The following CDK8 variants were observed in gnomAD, a reference collection of about 807,000 sequenced individuals.
The protein encoded by CDK8 is cyclin-dependent kinase 8.
A neutral mutation model predicts 71.5 loss-of-function variants in CDK8; 29 were observed. The ratio of observed to expected loss-of-function variants is 0.41; its 90% CI spans 0.30 to 0.55. The LOEUF is 0.55. CDK8 is among the 20% of genes least tolerant of loss of function. The probability of loss-of-function intolerance (pLI) is 0.37; values close to 1 mark genes in which losing one functional copy is unlikely to be tolerated. For synonymous variants in CDK8, 161 were observed against 192.1 expected, an observed-to-expected ratio of 0.84 and a Z score of 1.34; for missense variants, 288 against 572.6, an observed-to-expected ratio of 0.50 and a Z score of 5.07.
chr13:26,256,932 G>T lies in CDK8; in HGVS notation c.128+2163G>T, dbSNP rs529679256. On this transcript the variant is annotated intron_variant, in intron 1 of 12. Transcript: ENST00000381527. ...TTTTAGAGAGTTTTAAAATTACAGG[G>T]ATTTTTTTCGGTTTGACTTCTCTTT... Among the ~76,000 whole-genome samples, 1,223 of 152,132 alleles carry T rather than the reference G, an allele frequency of 8.0e-3. 8 individuals are homozygous for T. The highest frequency in any genetic ancestry group is 0.014 in the African/African-American group (588 of 41,520).
chr13:26,376,949 G>C (rs1366863317), intron 4 of CDK8, among the ~76,000 whole-genome samples: 1 of 152,198 alleles, frequency 6.6e-6, no homozygotes, highest in African/African-American at 2.4e-5. Context: ...GCAAAAGGTA[G>C]GGTTAGTAGA....
chr13:26,288,642 T>C (rs1873142443), intron 1 of CDK8, among the ~76,000 whole-genome samples: 1 of 151,892 alleles, frequency 6.6e-6, no homozygotes, highest in African/African-American at 2.4e-5. Context: ...TTGGGGTTGC[T>C]TTGAATCTGT....
At position 26,390,346 on chromosome 13, in the gene CDK8, C is replaced by T. The variant is rs116596771; in HGVS notation, c.647-3021C>T. Among the ~76,000 whole-genome samples, 612 of 152,264 alleles carry T rather than the reference C, an allele frequency of 4.0e-3. 3 individuals carry two copies. The highest frequency in any genetic ancestry group is 0.014 in the African/African-American group (563 of 41,560). ...CATAGGGAAAAAAATCTGATCAGAA[C>T]GCATCAAACTCACATATGCCCCATC... is the stretch of plus-strand genomic sequence containing the variant. On this transcript the variant is annotated intron_variant, in intron 6 of 12. Transcript: ENST00000381527.
intron 4 of CDK8, among the ~76,000 whole-genome samples, chr13:26,362,537 A>G (rs1320958656): frequency 1.3e-5 from 2 of 152,112 alleles, no homozygotes; most frequent in Admixed American, 6.5e-5. Flanking sequence ...AGAGCAGGAG[A>G]AGAAAGGTAT....
intron 2 of CDK8, among the ~76,000 whole-genome samples, chr13:26,344,354 A>C (rs1217912981): frequency 6.6e-6 from 1 of 152,178 alleles, no homozygotes; most frequent in African/African-American, 2.4e-5. Flanking sequence ...ATGAACATAC[A>C]AATGCATGTT....
At chr13:26,285,064 C>A (rs575611048) in intron 1 of CDK8, among the ~76,000 whole-genome samples, 1 of 151,896 alleles carries the variant, frequency 6.6e-6, no homozygotes, top group South Asian at 2.1e-4. Context: ...CATGTTGAAA[C>A]CCTGTCTCTA....
chr13:26,403,458 A>G, intron 12 of CDK8, among the ~76,000 whole-genome samples: 1 of 150,102 alleles, frequency 6.7e-6, no homozygotes, highest in Non-Finnish European at 1.5e-5. Context: ...GTCTCAAAAG[A>G]AAAAAAAAAT....
chr13:26,329,494 G>GTTTTTTTTTTTTTTT (rs1875203822), intron 1 of CDK8, among the ~76,000 whole-genome samples: 1 of 80,836 alleles, frequency 1.2e-5, no homozygotes, highest in Admixed American at 1.2e-4. Context: ...TTTTTTTTTT[G>GTTTTTTTTTTTTTTT]TTTGTTTTGT....
At chr13:26,270,277 T>G (rs1489361377) in intron 1 of CDK8, among the ~76,000 whole-genome samples, 1 of 151,578 alleles carries the variant, frequency 6.6e-6, no homozygotes, top group Admixed American at 6.6e-5. Flanking sequence ...TAATCCTAGC[T>G]ACTCAAGAGG....
intron 1 of CDK8, among the ~76,000 whole-genome samples, chr13:26,271,574 G>C (rs1378496615): frequency 6.6e-6 from 1 of 152,068 alleles, no homozygotes; most frequent in Non-Finnish European, 1.5e-5. Context: ...GGGAGTCTGA[G>C]GTGGGAGGAC....
At chr13:26,339,706 TA>T in intron 2 of CDK8, among the ~76,000 whole-genome samples, 1 of 135,740 alleles carries the variant, frequency 7.4e-6, no homozygotes, top group East Asian at 2.1e-4. Context: ...TTTATTTATT[TA>T]TTTATTTATT....
At chr13:26,367,129 C>A (rs1001831537) in intron 4 of CDK8, among the ~76,000 whole-genome samples, 3 of 152,166 alleles carry the variant, frequency 2.0e-5, no homozygotes, top group Non-Finnish European at 2.9e-5. Flanking sequence ...TGGGCCCTCT[C>A]TTCCTTGATT....
chr13:26,331,028 T>C (rs2092473335), intron 1 of CDK8, among the ~76,000 whole-genome samples: 1 of 152,234 alleles, frequency 6.6e-6, no homozygotes, highest in Admixed American at 6.5e-5. Context: ...CCATTTTCTA[T>C]AGTGGCTGTA....
chr13:26,362,286 G>A lies in CDK8; in HGVS notation c.456+8406G>A, dbSNP rs536214474. 2.9e-3 allele frequency among the ~76,000 whole-genome samples: 443 copies of A among 152,144 alleles called. 4 individuals carry two copies. The highest frequency in any genetic ancestry group is 4.7e-3 in the Non-Finnish European group (319 of 68,004). ...TGGATGGATAGATAGATGAATGACA[G>A]AGCATTTGCTAGAGGAATCGGCTTA... is the stretch of plus-strand genomic sequence containing the variant. On this transcript the variant is annotated intron_variant, in intron 4 of 12. Coordinates refer to ENST00000381527, the MANE Select transcript of CDK8 (RefSeq NM_001260.3).
At chr13:26,268,943 C>A (rs1872169152) in intron 1 of CDK8, among the ~76,000 whole-genome samples, 1 of 152,170 alleles carries the variant, frequency 6.6e-6, no homozygotes, top group South Asian at 2.1e-4. Flanking sequence ...CATTCCTACT[C>A]CTGATTTTTT....
chr13:26,395,940 A>G (rs560896161), intron 7 of CDK8, among the ~76,000 whole-genome samples: 1 of 152,334 alleles, frequency 6.6e-6, no homozygotes, highest in East Asian at 1.9e-4. Context: ...GAAAAGGGGA[A>G]ATAAGCAGTT....
In CDK8 at chr13:26,401,928, C is replaced by T. The variant is rs1306050103; in HGVS notation, c.1269+304C>T. Among the ~76,000 whole-genome samples the T allele has an allele frequency of 6.6e-6, 1 of 152,144 alleles. No individual in the cohort carries two copies. The highest frequency in any genetic ancestry group is 1.5e-5 in the Non-Finnish European group (1 of 68,020). ...GTAAAATGAAACTAGTAAAACCTAA[C>T]TTGCAGCTGTTGTCAGATTAGACAT... On this transcript the variant is annotated intron_variant, in intron 12 of 12. Coordinates refer to ENST00000381527, the MANE Select transcript of CDK8 (RefSeq NM_001260.3). This position sits in a 1 kb window ranked among gnomAD's most constrained non-coding sequence, Gnocchi z 4.5.
chr13:26,267,181 G>C (rs185947952), intron 1 of CDK8, among the ~76,000 whole-genome samples: 175 of 152,220 alleles, frequency 1.1e-3, no homozygotes, highest in African/African-American at 4.0e-3. Context: ...CAGTTTTTAG[G>C]GATAGATGTT....
chr13:26,382,056 C>T (rs1875254674), intron 4 of CDK8, among the ~76,000 whole-genome samples: 1 of 151,984 alleles, frequency 6.6e-6, no homozygotes, highest in Non-Finnish European at 1.5e-5. Flanking sequence ...CCTTTTTCTT[C>T]CCCTCTCTGC....
Sources: allele counts gnomAD v4.1 joint callset (sites outside exome capture counted in the v4.1 genomes callset), GRCh38; gene constraint gnomAD v4.1.1; non-coding constraint Gnocchi (gnomAD v3.1); transcripts MANE v1.5; gene names NCBI Gene and HGNC (gene_info 2026-07-23, HGNC 2026-07-21).